Variants in LRFN2 observed in about 807,000 individuals in gnomAD.
The protein encoded by LRFN2 is leucine rich repeat and fibronectin type III domain containing 2.
A neutral mutation model predicts 37.3 loss-of-function variants in LRFN2; 18 were observed. The observed-to-expected ratio is 0.48, with a 90% CI of 0.33 to 0.72. The LOEUF is 0.72. Among genes scored for constraint, LRFN2 ranks in the 30% least tolerant of loss-of-function variants. The probability of loss-of-function intolerance (pLI) is 0.02; values close to 1 mark genes in which losing one functional copy is unlikely to be tolerated. For synonymous variants in LRFN2, 556 were observed against 466.6 expected, an observed-to-expected ratio of 1.19 and a Z score of -2.47; for missense variants, 1,006 against 1,060.7, an observed-to-expected ratio of 0.95 and a Z score of 0.72.
At chr6:40,519,345 T>C (rs992989342) in intron 1 of LRFN2, among the ~76,000 whole-genome samples, 2 of 152,196 alleles carry the variant, frequency 1.3e-5, no homozygotes, top group Non-Finnish European at 2.9e-5. Flanking sequence ...ACTGGTATGG[T>C]CCCAAATCTG....
intron 1 of LRFN2, among the ~76,000 whole-genome samples, chr6:40,578,085 T>A (rs1236014260): frequency 6.6e-6 from 1 of 152,158 alleles, no homozygotes; most frequent in Non-Finnish European, 1.5e-5. Context: ...CTCTTATCCC[T>A]ATCCCCATCC....
intron 1 of LRFN2, among the ~76,000 whole-genome samples, chr6:40,565,978 C>T (rs112305677): frequency 0.04 from 6,012 of 152,072 alleles, 144 homozygotes; most frequent in African/African-American, 0.053. Flanking sequence ...ATTTTTGCAA[C>T]CTACTTATCT....
intron 1 of LRFN2, among the ~76,000 whole-genome samples, chr6:40,560,170 T>C (rs1269204700): frequency 1.3e-5 from 2 of 152,204 alleles, no homozygotes; most frequent in African/African-American, 4.8e-5. Flanking sequence ...TAAATAAGTG[T>C]TTGTGAACTG....
intron 1 of LRFN2, among the ~76,000 whole-genome samples, chr6:40,463,563 C>A (rs138523535): frequency 6.6e-6 from 1 of 152,032 alleles, no homozygotes; most frequent in African/African-American, 2.4e-5. Context: ...AGCTCTTTAG[C>A]GGAATCTCTA....
chr6:40,562,425 TA>T (rs1767014844), intron 1 of LRFN2, among the ~76,000 whole-genome samples: 1 of 149,878 alleles, frequency 6.7e-6, no homozygotes, highest in African/African-American at 2.5e-5. Context: ...GGTGAACAAG[TA>T]CGGTACAGGG....
intron 2 of LRFN2, among the ~76,000 whole-genome samples, chr6:40,413,693 C>G (rs1763024376): frequency 6.6e-6 from 1 of 152,192 alleles, no homozygotes; most frequent in South Asian, 2.1e-4. Context: ...ATCCCCCAGG[C>G]CCTTGAAGCA....
chr6:40,411,100 A>G, intron 2 of LRFN2, among the ~76,000 whole-genome samples: 1 of 150,676 alleles, frequency 6.6e-6, no homozygotes, highest in South Asian at 2.1e-4. Flanking sequence ...TCACAGACTT[A>G]TCTCATCTGT....
At chr6:40,474,971 G>T (rs553331570) in intron 1 of LRFN2, among the ~76,000 whole-genome samples, 38 of 152,184 alleles carry the variant, frequency 2.5e-4, no homozygotes, top group African/African-American at 4.1e-4. Context: ...CAAGGACAAT[G>T]ACCTCAACCA....
At chr6:40,430,535 C>T (rs1401116733) in intron 2 of LRFN2, among the ~76,000 whole-genome samples, 1 of 152,212 alleles carries the variant, frequency 6.6e-6, no homozygotes, top group African/African-American at 2.4e-5. Flanking sequence ...GGTTTTAGGC[C>T]ATGTCCTTCA....
At chr6:40,427,083 C>T (rs1181354046) in intron 2 of LRFN2, among the ~76,000 whole-genome samples, 2 of 152,280 alleles carry the variant, frequency 1.3e-5, no homozygotes, top group East Asian at 1.9e-4. Flanking sequence ...TGTGCAATTG[C>T]AATTGATTCC....
chr6:40,433,212 C>A (rs1763559042), intron 1 of LRFN2, 81 bp from the exon 2 acceptor site: 2 of 1,222,886 alleles, frequency 1.6e-6, no homozygotes, highest in Non-Finnish European at 2.2e-6. Context: ...TCACATTAAC[C>A]CTCACTGCCT....
intron 1 of LRFN2, among the ~76,000 whole-genome samples, chr6:40,500,619 C>T (rs375462487): frequency 3.9e-5 from 6 of 152,144 alleles, no homozygotes; most frequent in Admixed American, 2.6e-4. Context: ...TTTGTAATAA[C>T]GAAAGGTGGA....
chr6:40,457,675 G>C (rs1379192684), intron 1 of LRFN2, among the ~76,000 whole-genome samples: 1 of 148,202 alleles, frequency 6.7e-6, no homozygotes, highest in East Asian at 2.0e-4. Context: ...GGAGAGAAAG[G>C]AGATGATAAA....
intron 1 of LRFN2, among the ~76,000 whole-genome samples, chr6:40,542,324 G>T (rs148557421): frequency 0.014 from 2,104 of 152,140 alleles, 17 homozygotes; most frequent in Middle Eastern, 0.02. Context: ...GAGAGGTGGC[G>T]GTGGCAGCAG....
At chr6:40,441,903 G>C (rs905889578) in intron 1 of LRFN2, among the ~76,000 whole-genome samples, 2 of 152,214 alleles carry the variant, frequency 1.3e-5, no homozygotes, top group Non-Finnish European at 2.9e-5. Context: ...AGGGAGACCA[G>C]AGTTCCTGGA....
chr6:40,486,264 G>A (rs916660519), intron 1 of LRFN2, among the ~76,000 whole-genome samples: 5 of 152,080 alleles, frequency 3.3e-5, no homozygotes, highest in South Asian at 2.1e-4. Context: ...ATAGTGTGCC[G>A]TCCACAGAGG....
intron 1 of LRFN2, among the ~76,000 whole-genome samples, chr6:40,489,378 A>G (rs2113868743): frequency 6.6e-6 from 1 of 152,326 alleles, no homozygotes; most frequent in South Asian, 2.1e-4. Context: ...TGAGGACCCA[A>G]GTGGGGCAGT....
At chr6:40,532,100 C>G (rs1050934207) in intron 1 of LRFN2, among the ~76,000 whole-genome samples, 1 of 152,212 alleles carries the variant, frequency 6.6e-6, no homozygotes, top group Non-Finnish European at 1.5e-5. Flanking sequence ...GAACCCACAC[C>G]AGGGACATCT....
intron 1 of LRFN2, among the ~76,000 whole-genome samples, chr6:40,579,575 C>T (rs1767355091): frequency 6.6e-6 from 1 of 151,226 alleles, no homozygotes; most frequent in South Asian, 2.1e-4. Context: ...CATGTGTGAC[C>T]TTGACTGACT....
Sources: allele counts gnomAD v4.1 joint callset (sites outside exome capture counted in the v4.1 genomes callset), GRCh38; gene constraint gnomAD v4.1.1; transcripts MANE v1.5; gene names NCBI Gene and HGNC (gene_info 2026-07-23, HGNC 2026-07-21).